PPP4R2: variants seen among roughly 807,000 people sequenced by gnomAD.
PPP4R2 encodes the protein protein phosphatase 4 regulatory subunit 2.
In PPP4R2, 13 loss-of-function variants were observed where a neutral mutation model predicts 47.2. The ratio of observed to expected loss-of-function variants is 0.28; its 90% confidence interval spans 0.18 to 0.44. The LOEUF is 0.44. Ranked by LOEUF, PPP4R2 falls within the 20% of genes least tolerant of loss-of-function variation. The pLI, the probability that PPP4R2 is intolerant of heterozygous loss-of-function variation, is 1.00. For missense variants in PPP4R2, 421 were observed against 491.2 expected (o/e 0.86, Z 1.35); for synonymous variants, 151 against 163.3 (o/e 0.92, Z 0.57).
At chr3:73,024,947 G>A (rs936725020) in intron 2 of PPP4R2, among the ~76,000 whole-genome samples, 1 of 152,142 alleles carries the variant, frequency 6.6e-6, no homozygotes, top group Non-Finnish European at 1.5e-5. Context: ...TGAGGATGGA[G>A]CCCAGGGACC....
At chr3:73,023,649 A>G (rs912304672) in intron 2 of PPP4R2, among the ~76,000 whole-genome samples, 3 of 152,244 alleles carry the variant, frequency 2.0e-5, no homozygotes, top group Non-Finnish European at 2.9e-5. Context: ...TAGTTCATCA[A>G]AGGAAGACAT....
chr3:73,033,340 C>A (rs796227191), intron 2 of PPP4R2, among the ~76,000 whole-genome samples: 8 of 152,094 alleles, frequency 5.3e-5, no homozygotes, highest in African/African-American at 1.9e-4. Context: ...GGTTTATGTC[C>A]CTGGAGTTTT....
chr3:73,026,836 C>T (rs981474455), intron 2 of PPP4R2, among the ~76,000 whole-genome samples: 1 of 152,144 alleles, frequency 6.6e-6, no homozygotes, highest in East Asian at 1.9e-4. Context: ...TATACTGTTC[C>T]TGTAACTAGA....
intron 3 of PPP4R2, among the ~76,000 whole-genome samples, chr3:73,050,446 G>A (rs1159880247): frequency 6.6e-6 from 1 of 151,690 alleles, no homozygotes; most frequent in Non-Finnish European, 1.5e-5. Context: ...TTCAATTTTT[G>A]TGTTTTTTAT....
intron 2 of PPP4R2, among the ~76,000 whole-genome samples, chr3:73,018,466 G>GTTATTTATGTTATGTTTATGT (rs1553646475): frequency 2.9e-5 from 2 of 68,730 alleles, no homozygotes; most frequent in Non-Finnish European, 3.1e-5. Context: ...TGTTATGTTA[G>GTTATTTATGTTATGTTTATGT]TATCCGAAAC....
At chr3:73,038,267 A>G (rs1299182241) in intron 2 of PPP4R2, among the ~76,000 whole-genome samples, 1 of 152,220 alleles carries the variant, frequency 6.6e-6, no homozygotes, top group African/African-American at 2.4e-5. Flanking sequence ...GGCTGTGGTC[A>G]TTGTGAGCCG....
intron 2 of PPP4R2, among the ~76,000 whole-genome samples, chr3:73,037,975 T>C (rs1702299425): frequency 6.6e-6 from 1 of 152,356 alleles, no homozygotes; most frequent in Admixed American, 6.5e-5. Context: ...CTTCAGGACT[T>C]GCTAACTGCT....
rs764290863 is a variant in PPP4R2 at position 73,013,376 on chromosome 3, G to A, written c.116+15218G>A. On this transcript the variant is annotated intron_variant, in intron 2 of 8. Transcript: ENST00000356692. ...AGAATAACTGCATTTTGAGTGTAAT[G>A]GATCACACAAATTAGGTAATTCTTG... Among the ~76,000 whole-genome samples, 5 of 152,140 alleles carry A rather than the reference G, an allele frequency of 3.3e-5. No homozygotes were observed. The South Asian group carries it at 1.0e-3, about 31-fold the overall frequency.
intron 3 of PPP4R2, among the ~76,000 whole-genome samples, chr3:73,052,086 T>C (rs929778329): frequency 6.6e-6 from 1 of 151,838 alleles, no homozygotes; most frequent in Non-Finnish European, 1.5e-5. Context: ...CAGACAAGTA[T>C]GGAATGACTA....
intron 3 of PPP4R2, among the ~76,000 whole-genome samples, chr3:73,054,520 G>T (rs1702689296): frequency 6.6e-6 from 1 of 152,078 alleles, no homozygotes; most frequent in South Asian, 2.1e-4. Flanking sequence ...CAGTATTTCT[G>T]TTAACTAAGA....
At position 73,003,721 on chromosome 3, in the gene PPP4R2, C is replaced by T. The variant is rs1456147852; in HGVS notation, c.116+5563C>T. ...TTTTTTGTTTTGTTTTTTTTTGAGA[C>T]AGAGTCTTGCTCTGTTGCCCAGGCT... On this transcript the variant is annotated intron_variant, in intron 2 of 8. Coordinates refer to ENST00000356692, the MANE Select transcript of PPP4R2 (RefSeq NM_174907.4). Among the ~76,000 whole-genome samples the T allele has an allele frequency of 3.3e-5, 5 of 151,320 alleles. No individual in the cohort carries two copies. The South Asian group carries it at 1.0e-3, about 32-fold the overall frequency.
intron 2 of PPP4R2, among the ~76,000 whole-genome samples, chr3:73,005,682 C>G (rs1447210656): frequency 6.6e-6 from 1 of 151,916 alleles, no homozygotes; most frequent in Non-Finnish European, 1.5e-5. Flanking sequence ...AACCCCATCT[C>G]TACTAAAAAT....
chr3:73,021,703 G>A (rs2107253900), intron 2 of PPP4R2, among the ~76,000 whole-genome samples: 1 of 151,942 alleles, frequency 6.6e-6, no homozygotes, highest in South Asian at 2.1e-4. Flanking sequence ...GTTTATTAAG[G>A]TATCACTTAA....
chr3:73,063,546 C>T, intron 5 of PPP4R2, 127 bp from the exon 6 acceptor site: 2 of 609,100 alleles, frequency 3.3e-6, no homozygotes. Context: ...ATTGCTTGAA[C>T]CTGGGAAGTG....
intron 2 of PPP4R2, among the ~76,000 whole-genome samples, chr3:73,038,816 C>T (rs1476460968): frequency 2.6e-5 from 4 of 152,118 alleles, no homozygotes; most frequent in Non-Finnish European, 5.9e-5. Context: ...ATGTAAGTTG[C>T]CAAGAAAGAA....
intron 2 of PPP4R2, among the ~76,000 whole-genome samples, chr3:73,018,042 T>C (rs1363677212): frequency 1.3e-5 from 2 of 152,144 alleles, no homozygotes; most frequent in Non-Finnish European, 1.5e-5. Context: ...ACAGACCAGG[T>C]TGGTTTTGGG....
chr3:72,996,841 G>C lies in PPP4R2; in HGVS notation c.-197G>C, dbSNP rs1701351506. 1 of 399,248 alleles carries C rather than the reference G, an allele frequency of 2.5e-6. No homozygotes were observed. The highest frequency in any genetic ancestry group is 4.5e-6 in the Non-Finnish European group (1 of 224,138). 24.7% of individuals were successfully genotyped at this position (399,248 alleles called of 1,614,324 possible). On this transcript the variant is annotated 5_prime_UTR_variant, in exon 1 of 9. Coordinates refer to ENST00000356692, the MANE Select transcript of PPP4R2 (RefSeq NM_174907.4). ...CCATGTTGGAGGGTTGGTGGTAGCG[G>C]CTTGGGGAGGTGCTCGCTCTGTCGG... is the stretch of plus-strand genomic sequence containing the variant.
intron 3 of PPP4R2, among the ~76,000 whole-genome samples, chr3:73,049,696 A>G (rs1702570148): frequency 1.3e-5 from 2 of 151,416 alleles, no homozygotes; most frequent in Non-Finnish European, 2.9e-5. Flanking sequence ...AATAGCAAAT[A>G]CCATTTTCAG....
intron 2 of PPP4R2, among the ~76,000 whole-genome samples, chr3:73,013,467 G>A (rs1701764680): frequency 6.9e-6 from 1 of 145,956 alleles, no homozygotes; most frequent in Non-Finnish European, 1.5e-5. Flanking sequence ...AGATGTTTCT[G>A]TCTCATTTTA....
Sources: allele counts gnomAD v4.1 joint callset (sites outside exome capture counted in the v4.1 genomes callset), GRCh38; gene constraint gnomAD v4.1.1; transcripts MANE v1.5; gene names NCBI Gene and HGNC (gene_info 2026-07-23, HGNC 2026-07-21).